The following DLG2 variants were observed in gnomAD, a reference collection of about 807,000 sequenced individuals.
DLG2 encodes the protein disks large homolog 2.
A neutral mutation model predicts 132.5 loss-of-function variants in DLG2; 45 were observed. The ratio of observed to expected loss-of-function variants is 0.34; its 90% CI spans 0.27 to 0.44. DLG2 has a LOEUF of 0.44. Among genes scored for constraint, DLG2 ranks in the 20% least tolerant of loss-of-function variants. The probability of loss-of-function intolerance (pLI) is 1.00; values close to 1 mark genes in which losing one functional copy is unlikely to be tolerated. For missense variants in DLG2, 1,045 were observed against 1,196.9 expected, an observed-to-expected ratio of 0.87 and a Z score of 1.87; for synonymous variants, 424 against 419.6, an observed-to-expected ratio of 1.01 and a Z score of -0.13.
At chr11:84,927,676 TGATA>T (rs1400011157) in intron 6 of DLG2, among the ~76,000 whole-genome samples, 1 of 152,038 alleles carries the variant, frequency 6.6e-6, no homozygotes, top group African/African-American at 2.4e-5. Context: ...ACTTTATTAT[TGATA>T]AACATTAAAA....
chr11:84,218,199 AAAGG>A (rs1219367425), intron 8 of DLG2, among the ~76,000 whole-genome samples: 54 of 150,020 alleles, frequency 3.6e-4, no homozygotes, highest in Non-Finnish European at 6.1e-4. Flanking sequence ...ACAAAGAAGG[AAAGG>A]AAGGAAGGAA....
chr11:85,383,733 G>A (rs189373857), intron 3 of DLG2, among the ~76,000 whole-genome samples: 13 of 152,196 alleles, frequency 8.5e-5, no homozygotes, highest in African/African-American at 2.6e-4. Flanking sequence ...TTCAATGCTA[G>A]AAATTGCTTC....
intron 6 of DLG2, among the ~76,000 whole-genome samples, chr11:84,576,702 G>C (rs1202142341): frequency 6.6e-6 from 1 of 152,162 alleles, no homozygotes; most frequent in East Asian, 1.9e-4. Context: ...AGTTTGAATT[G>C]ATAATTTTTG....
chr11:83,702,126 GA>G (rs2083062061), intron 18 of DLG2, among the ~76,000 whole-genome samples: 1 of 152,156 alleles, frequency 6.6e-6, no homozygotes, highest in South Asian at 2.1e-4. Flanking sequence ...TTGGGATCAG[GA>G]TATCTCAGCA....
chr11:83,658,861 G>A (rs541064556), intron 18 of DLG2, among the ~76,000 whole-genome samples: 4 of 152,214 alleles, frequency 2.6e-5, no homozygotes, highest in Non-Finnish European at 2.9e-5. Flanking sequence ...AATGCCATAT[G>A]TAGCAATTTA....
At chr11:85,107,631 C>A (rs2071988282) in intron 6 of DLG2, among the ~76,000 whole-genome samples, 1 of 151,900 alleles carries the variant, frequency 6.6e-6, no homozygotes, top group African/African-American at 2.4e-5. Flanking sequence ...CAATTGTTTG[C>A]AGATGGCAGA....
At chr11:83,957,192 G>A (rs928953314) in intron 14 of DLG2, among the ~76,000 whole-genome samples, 1 of 152,182 alleles carries the variant, frequency 6.6e-6, no homozygotes, top group Non-Finnish European at 1.5e-5. Flanking sequence ...GGGCATGTGA[G>A]TAGAAACATT....
chr11:85,465,330 G>A (rs1205588106), intron 3 of DLG2, among the ~76,000 whole-genome samples: 1 of 151,486 alleles, frequency 6.6e-6, no homozygotes, highest in African/African-American at 2.4e-5. Flanking sequence ...TATACTTTAA[G>A]TTCTAGGGTA....
At chr11:85,180,066 A>C (rs924073618) in intron 4 of DLG2, among the ~76,000 whole-genome samples, 4 of 151,946 alleles carry the variant, frequency 2.6e-5, no homozygotes, top group African/African-American at 9.7e-5. Flanking sequence ...CATATGATCA[A>C]AAGTTATGTA....
chr11:83,479,145 T>TGATTGACCAAGGGTATCTCATTACAA (rs1207024517), intron 22 of DLG2, among the ~76,000 whole-genome samples: 2 of 151,388 alleles, frequency 1.3e-5, no homozygotes, highest in African/African-American at 4.8e-5. Context: ...ATCTAACGTT[T>TGATTGACCAAGGGTATCTCATTACAA]GATTGACCAA....
chr11:83,795,435 A>ATC (rs1555409519), intron 17 of DLG2, among the ~76,000 whole-genome samples: 1 of 108,180 alleles, frequency 9.2e-6, no homozygotes. Context: ...ATCTATATCT[A>ATC]TATCTATATA....
Position 84,334,532 on chromosome 11 carries a change from T to C in DLG2, c.520-83241A>G, listed in dbSNP as rs554791759. ...TTTTGGCATTTTCAATTCTCAAAGGTAGCAAACTACGCAAAGTTGAAACCT... is the reference window on the plus strand; with the variant it reads ...TTTTGGCATTTTCAATTCTCAAAGGCAGCAAACTACGCAAAGTTGAAACCT... On this transcript the variant is annotated intron_variant, in intron 7 of 27. Coordinates refer to ENST00000376104, the MANE Select transcript of DLG2 (RefSeq NM_001142699.3). 2.6e-5 allele frequency among the ~76,000 whole-genome samples: 4 copies of C among 152,318 alleles called. No homozygotes were observed. In the East Asian group the frequency reaches 7.7e-4, roughly 29 times the overall value.
At chr11:83,700,853 A>G (rs555512576) in intron 18 of DLG2, among the ~76,000 whole-genome samples, 3 of 152,236 alleles carry the variant, frequency 2.0e-5, no homozygotes, top group Non-Finnish European at 4.4e-5. Context: ...AAGGTAGGAA[A>G]TTATAATGAA....
At chr11:84,637,238 TC>T (rs2099642202) in intron 6 of DLG2, among the ~76,000 whole-genome samples, 2 of 152,262 alleles carry the variant, frequency 1.3e-5, no homozygotes, top group East Asian at 3.9e-4. Flanking sequence ...ACAAAGAGTT[TC>T]CCTTACAAAG....
At chr11:84,624,502 G>A (rs980214719) in intron 6 of DLG2, among the ~76,000 whole-genome samples, 6 of 152,054 alleles carry the variant, frequency 3.9e-5, no homozygotes, top group East Asian at 1.9e-4. Context: ...AATGACTACT[G>A]TAGTTATAAC....
At chr11:85,424,425 AC>A (rs1467980537) in intron 3 of DLG2, among the ~76,000 whole-genome samples, 3 of 151,850 alleles carry the variant, frequency 2.0e-5, no homozygotes, top group Non-Finnish European at 4.4e-5. Flanking sequence ...ATCTAGTCCT[AC>A]CTCCCATCCG....
At position 83,959,862 on chromosome 11, in the gene DLG2, TATC is replaced by T. The variant is rs138327908; in HGVS notation, c.1340+3020_1340+3022del. On this transcript the variant is annotated intron_variant, in intron 14 of 27. Transcript: ENST00000376104. ...AATCTGTAAAAATCAAGAATAAGAA[TATC>T]ATATAAATAATATAGGAGCAATAAT... Among the ~76,000 whole-genome samples, 357 of 152,224 alleles carry T rather than the reference TATC, an allele frequency of 2.3e-3. 1 individual carries two copies. Among genetic ancestry groups the T allele is most frequent in the African/African-American group, 8.4e-3 (350 of 41,548 alleles).
At chr11:84,016,175 G>C (rs2095173479) in intron 11 of DLG2, among the ~76,000 whole-genome samples, 1 of 152,026 alleles carries the variant, frequency 6.6e-6, no homozygotes, top group South Asian at 2.1e-4. Flanking sequence ...CCACACCTCT[G>C]TCTTCCTTTG....
intron 18 of DLG2, among the ~76,000 whole-genome samples, chr11:83,768,474 A>G (rs1198720118): frequency 6.6e-6 from 1 of 152,140 alleles, no homozygotes; most frequent in African/African-American, 2.4e-5. Flanking sequence ...TCACAGTTCC[A>G]TTTAGACCAA....
Sources: allele counts gnomAD v4.1 joint callset (sites outside exome capture counted in the v4.1 genomes callset), GRCh38; gene constraint gnomAD v4.1.1; transcripts MANE v1.5; gene names NCBI Gene and HGNC (gene_info 2026-07-23, HGNC 2026-07-21).